The following GRIA1 variants were observed in gnomAD, a reference collection of about 807,000 sequenced individuals.
The protein encoded by GRIA1 is glutamate ionotropic receptor AMPA type subunit 1.
Under a neutral mutation model 99.2 loss-of-function variants are expected in GRIA1, and 31 were observed. The observed-to-expected ratio is 0.31, with a 90% confidence interval of 0.23 to 0.42. The LOEUF is 0.42. Among genes scored for constraint, GRIA1 ranks in the 10% least tolerant of loss-of-function variants. GRIA1 has a pLI of 1.00. For missense variants in GRIA1, 782 were observed against 1,157.5 expected, an observed-to-expected ratio of 0.68 and a Z score of 4.71; for synonymous variants, 438 against 432.4, an observed-to-expected ratio of 1.01 and a Z score of -0.16.
chr5:153,610,034 G>A (rs1293073526), intron 2 of GRIA1, among the ~76,000 whole-genome samples: 1 of 152,168 alleles, frequency 6.6e-6, no homozygotes, highest in African/African-American at 2.4e-5. Context: ...CTGCATGCCT[G>A]GAAGATCTAA....
At chr5:153,703,370 T>G (rs56299782) in intron 10 of GRIA1, among the ~76,000 whole-genome samples, 8,530 of 152,308 alleles carry the variant, frequency 0.056, 302 homozygotes, top group Non-Finnish European at 0.075. Context: ...TTTATGTTAT[T>G]TTCATGTTAT....
chr5:153,650,548 G>A (rs771241119), intron 4 of GRIA1, 34 bp downstream of exon 4: 47 of 1,597,618 alleles, frequency 2.9e-5, no homozygotes, highest in East Asian at 1.3e-4. Flanking sequence ...GGGTGGGTGC[G>A]GGAGGTGATT....
intron 5 of GRIA1, among the ~76,000 whole-genome samples, chr5:153,662,070 T>C (rs1755411625): frequency 6.6e-6 from 1 of 152,222 alleles, no homozygotes; most frequent in Non-Finnish European, 1.5e-5. Context: ...CTTCTGACTC[T>C]AATGCCCTCT....
At chr5:153,543,114 A>G (rs1461728162) in intron 2 of GRIA1, among the ~76,000 whole-genome samples, 1 of 152,216 alleles carries the variant, frequency 6.6e-6, no homozygotes, top group Non-Finnish European at 1.5e-5. Flanking sequence ...CGCAATACCT[A>G]GCACACATGG....
At chr5:153,512,000 A>G (rs537234098) in intron 2 of GRIA1, among the ~76,000 whole-genome samples, 1 of 152,358 alleles carries the variant, frequency 6.6e-6, no homozygotes, top group South Asian at 2.1e-4. Context: ...ACACAAACAA[A>G]CAAAGCAAAT....
intron 2 of GRIA1, among the ~76,000 whole-genome samples, chr5:153,498,549 A>G (rs1581131636): frequency 1.3e-5 from 2 of 152,332 alleles, no homozygotes; most frequent in African/African-American, 4.8e-5. Flanking sequence ...GCCCTCTGTC[A>G]TGGACCTACT....
chr5:153,683,303 C>T (rs1039604678), intron 7 of GRIA1, among the ~76,000 whole-genome samples: 11 of 152,274 alleles, frequency 7.2e-5, no homozygotes, highest in African/African-American at 2.2e-4. Flanking sequence ...ATGTCTCTTT[C>T]GCATTCTCTG....
intron 2 of GRIA1, among the ~76,000 whole-genome samples, chr5:153,524,047 G>A (rs1199036367): frequency 6.6e-6 from 1 of 152,208 alleles, no homozygotes; most frequent in Non-Finnish European, 1.5e-5. Flanking sequence ...CTGGCACAGG[G>A]CCAGGCGCAG....
chr5:153,812,015 T>C lies in GRIA1; in HGVS notation c.*790T>C, dbSNP rs1472160930. The stretch of plus-strand genomic sequence containing the variant: ...CAGTTCCTTTAATGTGGAAGAGCCA[T>C]TTCATAGGTCATAGGTGGTATGGTA... On this transcript the variant is annotated 3_prime_UTR_variant, in exon 16 of 16. Coordinates refer to ENST00000285900, the MANE Select transcript of GRIA1 (RefSeq NM_000827.4). 1 of 152,242 alleles carries C rather than the reference T, an allele frequency of 6.6e-6. No individual in the cohort carries two copies. Among genetic ancestry groups the C allele is most frequent in the Admixed American group, 6.5e-5 (1 of 15,272 alleles). 9.4% of individuals were successfully genotyped at this position (152,242 alleles called of 1,614,324 possible).
rs140736800 is a variant in GRIA1 at position 153,608,819 on chromosome 5, A to C, written c.221-38109A>C. Among the ~76,000 whole-genome samples the C allele has an allele frequency of 9.8e-3, 1,489 of 152,128 alleles. 23 individuals are homozygous for C. Among genetic ancestry groups the C allele is most frequent in the African/African-American group, 0.034 (1,407 of 41,512 alleles). ...AGTTTTTTTTTACTGCGTTCTGGAC[A>C]TTGAATTTGCAAAATTTCTTTGCAG... On this transcript the variant is annotated intron_variant, in intron 2 of 15. Transcript: ENST00000285900.
intron 11 of GRIA1, among the ~76,000 whole-genome samples, chr5:153,718,534 G>A (rs10038916): frequency 0.71 from 107,777 of 152,094 alleles, 38,618 homozygotes; most frequent in East Asian, 0.96. Context: ...TGAACCAGTA[G>A]GTTAACCATT....
At chr5:153,638,328 T>C (rs1038601067) in intron 2 of GRIA1, among the ~76,000 whole-genome samples, 5 of 152,244 alleles carry the variant, frequency 3.3e-5, no homozygotes, top group Non-Finnish European at 7.3e-5. Flanking sequence ...TAGATGTATG[T>C]AGTTCCTAAC....
At position 153,706,150 on chromosome 5, in the gene GRIA1, AG is replaced by A. The variant is rs769143731; in HGVS notation, c.1823+84del. The stretch of plus-strand genomic sequence containing the variant: ...TTTGTTTGTTTTTTAAATACTGAAA[AG>A]TAAAGAGATGAATTATTTCAGACCA... On this transcript the variant is annotated intron_variant, in intron 11 of 15. Coordinates refer to ENST00000285900, the MANE Select transcript of GRIA1 (RefSeq NM_000827.4). 18 of 918,756 alleles carry A rather than the reference AG, an allele frequency of 2.0e-5. No homozygotes were observed. In the East Asian group the frequency reaches 5.7e-4, roughly 29 times the overall value. The allele number at this position is 918,756 out of a possible 1,614,324, so 56.9% of individuals were successfully genotyped here.
At position 153,797,692 on chromosome 5, in the gene GRIA1, T is replaced by C. The variant is rs181425328; in HGVS notation, c.2385+2957T>C. Among the ~76,000 whole-genome samples the C allele has an allele frequency of 2.9e-3, 446 of 152,306 alleles. 3 individuals are homozygous for C. Among genetic ancestry groups the C allele is most frequent in the African/African-American group, 0.01 (416 of 41,572 alleles). On this transcript the variant is annotated intron_variant, in intron 14 of 15. Transcript: ENST00000285900. ...CATCATCTCCTCAATGCAATTTTGTTTTGAGTCAGGATGTTCTGCGGTGCA... is the reference window on the plus strand; with the variant it reads ...CATCATCTCCTCAATGCAATTTTGTCTTGAGTCAGGATGTTCTGCGGTGCA...
At position 153,494,082 on chromosome 5, in the gene GRIA1, A is replaced by G; in HGVS notation, c.220+17A>G. 1.2e-6 allele frequency: 2 copies of G among 1,612,476 alleles called. No individual in the cohort carries two copies. The highest frequency in any genetic ancestry group is 1.7e-6 in the Non-Finnish European group (2 of 1,179,374). The stretch of plus-strand genomic sequence containing the variant: ...CCTATAGATGTAAGTAATTGCTTCT[A>G]TTTCTGAGATGTCTTTCTGCGCTAG... On this transcript the variant is annotated intron_variant, in intron 2 of 15. Transcript: ENST00000285900.
At chr5:153,626,096 C>A (rs532004057) in intron 2 of GRIA1, among the ~76,000 whole-genome samples, 1 of 152,272 alleles carries the variant, frequency 6.6e-6, no homozygotes, top group East Asian at 1.9e-4. Context: ...CAGCCTCTGA[C>A]CTTCACGTTT....
At chr5:153,784,337 G>A (rs867087164) in intron 13 of GRIA1, among the ~76,000 whole-genome samples, 20 of 152,194 alleles carry the variant, frequency 1.3e-4, no homozygotes, top group Admixed American at 1.3e-4. Flanking sequence ...CTCAAATCAC[G>A]CCTTCAGACT....
rs575732708 is a variant in GRIA1 at position 153,551,687 on chromosome 5, T to C, written c.220+57622T>C. ...TTCATAGCCCTTTTGCTGTAGTACATTCTTGTCTCATGAAGATTACAGCCA... is the reference window on the plus strand; with the variant it reads ...TTCATAGCCCTTTTGCTGTAGTACACTCTTGTCTCATGAAGATTACAGCCA... On this transcript the variant is annotated intron_variant, in intron 2 of 15. Transcript: ENST00000285900. 2.2e-4 allele frequency among the ~76,000 whole-genome samples: 33 copies of C among 152,306 alleles called. No individual in the cohort carries two copies. In the South Asian group the frequency reaches 2.7e-3, roughly 12 times the overall value.
At chr5:153,576,882 G>A (rs1467494465) in intron 2 of GRIA1, among the ~76,000 whole-genome samples, 1 of 152,076 alleles carries the variant, frequency 6.6e-6, no homozygotes, top group Non-Finnish European at 1.5e-5. Context: ...AGTTGCTAGA[G>A]CTTTAGAGAT....
Sources: gnomAD v4.1 joint callset for allele counts (sites outside exome capture counted in the v4.1 genomes callset) on GRCh38, gnomAD v4.1.1 for gene constraint, MANE v1.5 for transcripts, NCBI Gene and HGNC (gene_info 2026-07-23, HGNC 2026-07-21) for gene names.